POLE2: variants seen among roughly 807,000 people sequenced by gnomAD.
POLE2 encodes DNA polymerase epsilon 2, accessory subunit.
POLE2 carries 56 observed loss-of-function variants against 79.4 expected under a neutral mutation model. That is an observed-to-expected ratio of 0.71 (90% CI 0.57 to 0.88). POLE2 has a LOEUF of 0.88. Among genes scored for constraint, POLE2 ranks in the 40% least tolerant of loss-of-function variants. The pLI, the probability that POLE2 is intolerant of heterozygous loss-of-function variation, is 0.00. For missense variants in POLE2, 598 were observed against 638.9 expected, an observed-to-expected ratio of 0.94 and a Z score of 0.69; for synonymous variants, 212 against 214.0, an observed-to-expected ratio of 0.99 and a Z score of 0.08.
chr14:49,646,150 G>C (rs895724520), intron 18 of POLE2, among the ~76,000 whole-genome samples: 7 of 151,770 alleles, frequency 4.6e-5, no homozygotes, highest in African/African-American at 1.7e-4. Context: ...TTATAAGCAT[G>C]TTTTGAAAAT....
In POLE2 at chr14:49,647,286, C is replaced by T; in HGVS notation, c.1565+7G>A. ...ATCTTTCTTGCTGTGTCTGTGCACACACTTACCTATCTTCTACTGTCTTAT... is the reference window on the plus strand; with the variant it reads ...ATCTTTCTTGCTGTGTCTGTGCACATACTTACCTATCTTCTACTGTCTTAT... On this transcript the variant is annotated splice_region_variant and intron_variant, in intron 18 of 18. Transcript: ENST00000216367. 7.0e-7 allele frequency: 1 copy of T among 1,423,784 alleles called. No individual in the cohort carries two copies. Among genetic ancestry groups the T allele is most frequent in the Non-Finnish European group, 9.7e-7 (1 of 1,030,110 alleles). The allele number at this position is 1,423,784 out of a possible 1,614,324, so 88.2% of individuals were successfully genotyped here.
chr14:49,682,877 C>A (rs1277252391), intron 2 of POLE2, among the ~76,000 whole-genome samples: 1 of 151,502 alleles, frequency 6.6e-6, no homozygotes, highest in East Asian at 1.9e-4. Context: ...GCTCTGTTTA[C>A]TTTACTCTTC....
Position 49,688,086 on chromosome 14 carries a change from C to G in POLE2, c.68+50G>C, listed in dbSNP as rs371050961. 17 of 1,414,946 alleles carry G rather than the reference C, an allele frequency of 1.2e-5. No individual in the cohort carries two copies. The African/African-American group carries it at 1.6e-4, about 13-fold the overall frequency. 87.6% of individuals were successfully genotyped at this position (1,414,946 alleles called of 1,614,324 possible). On this transcript the variant is annotated intron_variant, in intron 1 of 18. Coordinates refer to ENST00000216367, the MANE Select transcript of POLE2 (RefSeq NM_002692.4). ...GCGTCCCGCTGCCGCACCAGGCAGACGGGCCCCAGCTCTTCCCTCTCGCCC... is the reference window on the plus strand; with the variant it reads ...GCGTCCCGCTGCCGCACCAGGCAGAGGGGCCCCAGCTCTTCCCTCTCGCCC...
intron 15 of POLE2, 69 bp downstream of exon 15, chr14:49,653,921 A>C: frequency 1.1e-6 from 1 of 897,032 alleles, no homozygotes; most frequent in Non-Finnish European, 1.8e-6. Context: ...GATTACAGAC[A>C]TGAGCCACCA....
chr14:49,655,981 CA>C, intron 10 of POLE2, 138 bp from the exon 11 acceptor site: 1 of 550,302 alleles, frequency 1.8e-6, no homozygotes, highest in African/African-American at 2.0e-5. Flanking sequence ...TTTAAAAGTA[CA>C]AAGGTTATCT....
intron 3 of POLE2, among the ~76,000 whole-genome samples, chr14:49,676,055 T>G (rs1276454590): frequency 6.6e-6 from 1 of 152,098 alleles, no homozygotes; most frequent in South Asian, 2.1e-4. Context: ...CCCTGCCAAA[T>G]CTAAAATGTT....
At chr14:49,655,601 A>G (rs1884602640) in intron 11 of POLE2, 70 bp downstream of exon 11, 1 of 985,166 alleles carries the variant, frequency 1.0e-6, no homozygotes, top group Non-Finnish European at 1.5e-6. Flanking sequence ...AGATAAATAG[A>G]ATACTCAAAA....
intron 10 of POLE2, among the ~76,000 whole-genome samples, chr14:49,656,047 A>C (rs1029839363): frequency 2.6e-5 from 4 of 152,156 alleles, no homozygotes; most frequent in African/African-American, 9.7e-5. Flanking sequence ...ATAATAGGCT[A>C]TATCTGTGTC....
In POLE2 at chr14:49,672,751, G is replaced by A. The variant is rs45494700; in HGVS notation, c.417+1372C>T. Among the ~76,000 whole-genome samples, 31 of 152,094 alleles carry A rather than the reference G, an allele frequency of 2.0e-4. No individual in the cohort carries two copies. In the South Asian group the frequency reaches 2.9e-3, roughly 14 times the overall value. On this transcript the variant is annotated intron_variant, in intron 5 of 18. Transcript: ENST00000216367. ...CGACCTCAGGTGATCCACCCACCTCGGCCTCCCAAAGTGCTGGGATTACAG... is the reference window on the plus strand; with the variant it reads ...CGACCTCAGGTGATCCACCCACCTCAGCCTCCCAAAGTGCTGGGATTACAG...
At chr14:49,687,300 CCACACACACACACACACACACACACA>C (rs60811856) in intron 1 of POLE2, among the ~76,000 whole-genome samples, 4 of 139,830 alleles carry the variant, frequency 2.9e-5, no homozygotes, top group South Asian at 2.4e-4. Context: ...TACACACACA[CCACACACACACACACACACACACACA>C]CACACACACA....
chr14:49,687,739 C>T (rs537594367), intron 1 of POLE2, among the ~76,000 whole-genome samples: 2 of 151,980 alleles, frequency 1.3e-5, no homozygotes, highest in Non-Finnish European at 2.9e-5. Context: ...CTCTCTCTGT[C>T]GCCAGGATGG....
chr14:49,682,015 T>C (rs1170908773), intron 2 of POLE2: 4 of 150,058 alleles, frequency 2.7e-5, no homozygotes, highest in Admixed American at 6.6e-5. Context: ...TTTTTTTTTT[T>C]TTTTTTTGAG....
At chr14:49,666,250 C>T in intron 7 of POLE2, 80 bp downstream of exon 7, 2 of 723,636 alleles carry the variant, frequency 2.8e-6, no homozygotes, top group Non-Finnish European at 2.4e-6. Context: ...CATTCCTGTG[C>T]CCACTACAAA....
intron 3 of POLE2, among the ~76,000 whole-genome samples, chr14:49,675,069 T>A (rs923245343): frequency 6.6e-6 from 1 of 151,710 alleles, no homozygotes; most frequent in African/African-American, 2.4e-5. Flanking sequence ...CTATATGTAC[T>A]ACTCTTATGA....
rs778117440 is a variant in POLE2, at chr14:49,655,091, T to C, written c.932A>G (p.Tyr311Cys). Residue 311 changes from tyrosine (Y) to cysteine (C), a missense_variant, in exon 12 of 19, where the codon TAT becomes TGT. By Grantham distance (194) the Tyr-to-Cys change is radical (BLOSUM62 -2). Transcript: ENST00000216367. Reference protein sequence around the residue: ...LEKLRIMFAGYSPAPPTCFIL... With the variant: ...LEKLRIMFAGCSPAPPTCFIL... Reference sequence around the variant, plus strand: ...AAAGCAGGTTGGAGGTGCTGGTGAATAACCTAAACAATAAAAGAGTAAATG... The same window carrying C: ...AAAGCAGGTTGGAGGTGCTGGTGAACAACCTAAACAATAAAAGAGTAAATG... 5 of 1,492,702 alleles carry C rather than the reference T, an allele frequency of 3.3e-6. No individual in the cohort carries two copies. In the East Asian group the frequency reaches 1.2e-4, roughly 36 times the overall value. 92.5% of individuals were successfully genotyped at this position (1,492,702 alleles called of 1,614,324 possible).
In POLE2 at chr14:49,654,000, T is replaced by G; in HGVS notation, c.1201A>C (p.Asn401His). Residue 401 changes from asparagine to histidine, a missense_variant, in exon 15 of 19, where the codon AAT becomes CAT. Transcript: ENST00000216367. ...QRVPFSVFTT[N>H]PCRIQYCTQE... is the part of the protein sequence containing the mutation. The stretch of plus-strand genomic sequence containing the variant: ...AATACTAATTCTTACCTGCAAGGAT[T>G]AGTAGTAAAAACTGAAAATGGTACC... The G allele has an allele frequency of 6.4e-7, 1 of 1,550,492 alleles. No individual in the cohort carries two copies. Among genetic ancestry groups the G allele is most frequent in the Non-Finnish European group, 8.9e-7 (1 of 1,123,698 alleles).
intron 17 of POLE2, among the ~76,000 whole-genome samples, chr14:49,648,429 T>TATTCAA (rs1412927458): frequency 2.6e-5 from 4 of 152,188 alleles, no homozygotes; most frequent in African/African-American, 9.7e-5. Flanking sequence ...TATATTCAAA[T>TATTCAA]AGAGCATTAA....
At chr14:49,649,275 T>G (rs1304970193) in intron 17 of POLE2, among the ~76,000 whole-genome samples, 1 of 149,258 alleles carries the variant, frequency 6.7e-6, no homozygotes, top group Non-Finnish European at 1.5e-5. Context: ...GCCTCCCGAG[T>G]AGCTGGGACT....
chr14:49,678,845 A>AC (rs1318979259), intron 3 of POLE2, among the ~76,000 whole-genome samples: 1 of 139,028 alleles, frequency 7.2e-6, no homozygotes, highest in African/African-American at 3.0e-5. Context: ...TTTAGTAGAG[A>AC]TGGGTTTCAC....
Sources: gnomAD v4.1 joint callset for allele counts (sites outside exome capture counted in the v4.1 genomes callset) on GRCh38, gnomAD v4.1.1 for gene constraint, MANE v1.5 for transcripts, NCBI Gene and HGNC (gene_info 2026-07-23, HGNC 2026-07-21) for gene names.